Variants in PRKCE observed in about 807,000 individuals in gnomAD.
PRKCE encodes protein kinase C epsilon, also known as protein kinase C epsilon type.
PRKCE carries 16 observed loss-of-function variants against 85.4 expected under a neutral mutation model. That is an observed-to-expected ratio of 0.19 (90% CI 0.13 to 0.28). The LOEUF (loss-of-function observed/expected upper bound fraction) is 0.28, where lower values mean the gene tolerates loss of function less well. PRKCE is among the 10% of genes least tolerant of loss of function. PRKCE has a pLI of 1.00. For synonymous variants in PRKCE, 388 were observed against 371.5 expected (o/e 1.04, Z -0.51); for missense variants, 573 against 975.2 (o/e 0.59, Z 5.49).
At chr2:45,885,631 A>G (rs531931775) in intron 2 of PRKCE, among the ~76,000 whole-genome samples, 1 of 152,230 alleles carries the variant, frequency 6.6e-6, no homozygotes, top group African/African-American at 2.4e-5. Context: ...ATCGTAGCCC[A>G]GCCAAATTTC....
At chr2:46,078,586 T>C (rs1027499839) in intron 10 of PRKCE, 1 of 152,114 alleles carries the variant, frequency 6.6e-6, no homozygotes, top group African/African-American at 2.4e-5. Flanking sequence ...TTCCCACCTA[T>C]GTTCTCAGAA....
At chr2:45,812,036 G>T (rs1688688769) in intron 1 of PRKCE, among the ~76,000 whole-genome samples, 1 of 152,126 alleles carries the variant, frequency 6.6e-6, no homozygotes, top group South Asian at 2.1e-4. Flanking sequence ...TCTTAAGTGG[G>T]AAGAAGAGGG....
intron 2 of PRKCE, among the ~76,000 whole-genome samples, chr2:45,858,886 C>T (rs939487028): frequency 4.0e-5 from 6 of 151,618 alleles, no homozygotes; most frequent in African/African-American, 1.5e-4. Context: ...ACTAAAAATA[C>T]AAAAATTAGC....
rs145213386 is a variant in PRKCE at position 45,804,111 on chromosome 2, T to C, written c.349-38889T>C. Reference sequence around the variant, plus strand: ...CCCATCACCACCTCTACAGCACCAGTTGAGTGTCTTGCCTGCCAGGAGTGC... The same window carrying C: ...CCCATCACCACCTCTACAGCACCAGCTGAGTGTCTTGCCTGCCAGGAGTGC... On this transcript the variant is annotated intron_variant, in intron 1 of 14. Coordinates refer to ENST00000306156, the MANE Select transcript of PRKCE (RefSeq NM_005400.3). 3.3e-4 allele frequency among the ~76,000 whole-genome samples: 51 copies of C among 152,296 alleles called. 1 individual carries two copies. In the East Asian group the frequency reaches 9.3e-3, roughly 28 times the overall value.
chr2:45,839,974 T>A (rs1242049129), intron 1 of PRKCE, among the ~76,000 whole-genome samples: 1 of 152,258 alleles, frequency 6.6e-6, no homozygotes, highest in Non-Finnish European at 1.5e-5. Flanking sequence ...CTATCTTGAA[T>A]GTTAATATCC....
chr2:45,953,829 A>T (rs1483190657), intron 2 of PRKCE, among the ~76,000 whole-genome samples: 3 of 152,202 alleles, frequency 2.0e-5, no homozygotes, highest in Non-Finnish European at 4.4e-5. Context: ...CTGCAGGCAG[A>T]GTTGAGAGCC....
rs370011973 is a variant in PRKCE at position 45,677,426 on chromosome 2, A to G, written c.348+24978A>G. Among the ~76,000 whole-genome samples the G allele has an allele frequency of 9.8e-4, 140 of 143,312 alleles. 1 individual carries two copies. Among genetic ancestry groups the G allele is most frequent in the East Asian group, 4.9e-3 (24 of 4,856 alleles). 94.0% of individuals were successfully genotyped at this position (143,312 alleles called of 152,430 possible). ...CTGCGGACTGCAGTGGCGCAATCTC[A>G]GCTCACTGCAAGCTCCGCTTCCCGG... On this transcript the variant is annotated intron_variant, in intron 1 of 14. Coordinates refer to ENST00000306156, the MANE Select transcript of PRKCE (RefSeq NM_005400.3).
chr2:46,030,366 G>C (rs1335539970), intron 10 of PRKCE, among the ~76,000 whole-genome samples: 1 of 152,168 alleles, frequency 6.6e-6, no homozygotes, highest in Non-Finnish European at 1.5e-5. Context: ...GTGCTTTCCT[G>C]CTTCCCTAGC....
intron 11 of PRKCE, among the ~76,000 whole-genome samples, chr2:46,143,420 C>T (rs1558498608): frequency 6.6e-6 from 1 of 152,120 alleles, no homozygotes; most frequent in East Asian, 1.9e-4. Flanking sequence ...AGATAGTTCA[C>T]CCAGTTCCCT....
intron 1 of PRKCE, among the ~76,000 whole-genome samples, chr2:45,671,790 C>A (rs575941272): frequency 6.6e-6 from 1 of 152,140 alleles, no homozygotes; most frequent in South Asian, 2.1e-4. Context: ...CAGTAGAGGA[C>A]AGGTATGGTG....
intron 2 of PRKCE, among the ~76,000 whole-genome samples, chr2:45,949,088 A>T (rs1700435667): frequency 6.6e-6 from 1 of 152,194 alleles, no homozygotes; most frequent in African/African-American, 2.4e-5. Context: ...CTCCTTGGGT[A>T]TAAGTGTGCA....
At chr2:45,708,648 C>T (rs887570642) in intron 1 of PRKCE, among the ~76,000 whole-genome samples, 1 of 152,202 alleles carries the variant, frequency 6.6e-6, no homozygotes, top group Non-Finnish European at 1.5e-5. Flanking sequence ...ATTGCCCAGC[C>T]TCGGGTATGT....
Position 46,001,707 on chromosome 2 carries a change from G to A in PRKCE, c.966+161G>A, listed in dbSNP as rs564528374. 1.3e-5 allele frequency among the ~76,000 whole-genome samples: 2 copies of A among 152,118 alleles called. No homozygotes were observed. The highest frequency in any genetic ancestry group is 4.8e-5 in the African/African-American group (2 of 41,420). On this transcript the variant is annotated intron_variant, in intron 7 of 14. Transcript: ENST00000306156. This position sits in a 1 kb window ranked among gnomAD's most constrained non-coding sequence, Gnocchi z 4.4. The stretch of plus-strand genomic sequence containing the variant: ...AGAAAAAAACAAAGATAGAAGCCAG[G>A]CAGGTAACATTAATGTCTTCTTGAG...
chr2:45,652,744 G>T lies in PRKCE; in HGVS notation c.348+296G>T, dbSNP rs1201409406. ...AGAGCCTGGGCCACTGGTGCTGAAG[G>T]TTGGCCGAGGACCCGGCTTTCTTCC... is the stretch of plus-strand genomic sequence containing the variant. On this transcript the variant is annotated intron_variant, in intron 1 of 14. Coordinates refer to ENST00000306156, the MANE Select transcript of PRKCE (RefSeq NM_005400.3). This position sits in a 1 kb window ranked among gnomAD's most constrained non-coding sequence, Gnocchi z 7.7. Among the ~76,000 whole-genome samples the T allele has an allele frequency of 6.6e-6, 1 of 152,208 alleles. No individual in the cohort carries two copies. Among genetic ancestry groups the T allele is most frequent in the Non-Finnish European group, 1.5e-5 (1 of 68,042 alleles).
chr2:46,019,887 G>T, intron 10 of PRKCE, among the ~76,000 whole-genome samples: 1 of 122,612 alleles, frequency 8.2e-6, no homozygotes. Flanking sequence ...GTCTTGCTCC[G>T]TCACCATGCT....
chr2:45,809,764 C>T (rs538419965), intron 1 of PRKCE, among the ~76,000 whole-genome samples: 2 of 151,506 alleles, frequency 1.3e-5, no homozygotes, highest in African/African-American at 4.8e-5. Flanking sequence ...CCTGTAATCC[C>T]AGCTACTCGA....
At chr2:46,002,883 A>G (rs1430085969) in intron 7 of PRKCE, among the ~76,000 whole-genome samples, 1 of 152,242 alleles carries the variant, frequency 6.6e-6, no homozygotes, top group Admixed American at 6.5e-5. Context: ...TCTTGTCTAG[A>G]AGTAAATTAA....
chr2:45,842,877 A>G, intron 1 of PRKCE, 123 bp from the exon 2 acceptor site: 1 of 841,110 alleles, frequency 1.2e-6, no homozygotes, highest in South Asian at 1.5e-5. Context: ...AACACATTGT[A>G]GGTTGGTGAA....
At chr2:45,821,370 ATG>A (rs1047726132) in intron 1 of PRKCE, among the ~76,000 whole-genome samples, 124 of 152,286 alleles carry the variant, frequency 8.1e-4, no homozygotes, top group African/African-American at 2.8e-3. Flanking sequence ...CAGCCTCTAA[ATG>A]TAGGACCCTT....
Sources: gnomAD v4.1 joint callset for allele counts (sites outside exome capture counted in the v4.1 genomes callset) on GRCh38, gnomAD v4.1.1 for gene constraint, Gnocchi (gnomAD v3.1) non-coding constraint, MANE v1.5 for transcripts, NCBI Gene and HGNC (gene_info 2026-07-23, HGNC 2026-07-21) for gene names.